The following AP3B1 variants were observed in gnomAD, a reference collection of about 807,000 sequenced individuals.
AP3B1 encodes adaptor related protein complex 3 subunit beta 1.
AP3B1 carries 61 observed loss-of-function variants against 132.5 expected under a neutral mutation model. That is an observed-to-expected ratio of 0.46 (90% CI 0.37 to 0.57). The LOEUF is 0.57. AP3B1 is among the 20% of genes least tolerant of loss of function. The pLI is 0.00. For synonymous variants in AP3B1, 388 were observed against 438.3 expected (o/e 0.89, Z 1.43); for missense variants, 1,120 against 1,289.4 (o/e 0.87, Z 2.01).
intron 22 of AP3B1, among the ~76,000 whole-genome samples, chr5:78,067,229 A>C (rs1484529570): frequency 2.6e-5 from 4 of 152,230 alleles, no homozygotes; most frequent in African/African-American, 9.6e-5. Context: ...ATTAACCTAA[A>C]TATACACGTA....
intron 22 of AP3B1, among the ~76,000 whole-genome samples, chr5:78,045,963 T>A (rs1327643177): frequency 6.6e-6 from 1 of 152,242 alleles, no homozygotes; most frequent in African/African-American, 2.4e-5. Context: ...ATTTACATAC[T>A]GTCCTTGACT....
intron 7 of AP3B1, among the ~76,000 whole-genome samples, chr5:78,206,324 T>C (rs755355732): frequency 5.3e-5 from 8 of 152,288 alleles, no homozygotes; most frequent in South Asian, 2.1e-4. Context: ...GGTGTACTCC[T>C]GAGATAAAAA....
chr5:78,228,923 G>GT (rs144252229), intron 3 of AP3B1, among the ~76,000 whole-genome samples: 3,427 of 152,100 alleles, frequency 0.023, 138 homozygotes, highest in African/African-American at 0.075. Context: ...TCTGGAAACA[G>GT]TTTTTTTTGG....
At chr5:78,105,508 A>C (rs922328641) in intron 20 of AP3B1, among the ~76,000 whole-genome samples, 2 of 152,140 alleles carry the variant, frequency 1.3e-5, no homozygotes, top group African/African-American at 4.8e-5. Flanking sequence ...TTCCTGACAC[A>C]ATGTGGTCTA....
intron 17 of AP3B1, among the ~76,000 whole-genome samples, chr5:78,123,924 A>G (rs1388605282): frequency 6.6e-6 from 1 of 152,240 alleles, no homozygotes; most frequent in East Asian, 1.9e-4. Flanking sequence ...CACTATTCAC[A>G]ATAGCAAAGA....
chr5:78,081,903 A>T (rs751598953), intron 22 of AP3B1, among the ~76,000 whole-genome samples: 12 of 80,430 alleles, frequency 1.5e-4, no homozygotes, highest in Non-Finnish European at 2.4e-4. Context: ...TCTTTGCAAT[A>T]AAAAAAAAAA....
intron 11 of AP3B1, 42 bp downstream of exon 11, chr5:78,175,584 A>G: frequency 6.7e-7 from 1 of 1,503,738 alleles, no homozygotes; most frequent in Non-Finnish European, 9.2e-7. Context: ...TCTCTTCAAA[A>G]CAAATGTGTT....
At chr5:78,087,232 T>A (rs1344538558) in intron 22 of AP3B1, among the ~76,000 whole-genome samples, 2 of 152,204 alleles carry the variant, frequency 1.3e-5, no homozygotes. Context: ...CCTAGACTTG[T>A]TGAGATCTCA....
chr5:78,024,899 A>G (rs1050302140), intron 24 of AP3B1, among the ~76,000 whole-genome samples: 3 of 133,368 alleles, frequency 2.2e-5, no homozygotes, highest in Non-Finnish European at 4.7e-5. Context: ...GAGTCTTACT[A>G]TGTTGCCCAG....
At chr5:78,154,986 AT>A (rs1743088198) in intron 14 of AP3B1, among the ~76,000 whole-genome samples, 1 of 151,826 alleles carries the variant, frequency 6.6e-6, no homozygotes, top group South Asian at 2.1e-4. Flanking sequence ...GTGAGGCCAT[AT>A]TTTCCTGGAT....
chr5:78,232,864 G>A (rs538700546), intron 3 of AP3B1, among the ~76,000 whole-genome samples: 1 of 152,044 alleles, frequency 6.6e-6, no homozygotes, highest in East Asian at 1.9e-4. Context: ...ACACCACCAC[G>A]CCCAGCTAAT....
At position 78,224,824 on chromosome 5, in the gene AP3B1, T is replaced by G. The variant is rs1045798901; in HGVS notation, c.603+718A>C. On this transcript the variant is annotated intron_variant, in intron 6 of 26. Transcript: ENST00000255194. Reference sequence around the variant, plus strand: ...ATTATAAACATACATGCACCAAACATCCAATCTCCTAAATAGATGAAGCAA... The same window carrying G: ...ATTATAAACATACATGCACCAAACAGCCAATCTCCTAAATAGATGAAGCAA... Among the ~76,000 whole-genome samples the G allele has an allele frequency of 3.3e-5, 5 of 152,040 alleles. No homozygotes were observed. The East Asian group carries it at 9.7e-4, about 29-fold the overall frequency.
In AP3B1 at chr5:78,242,360, G is replaced by A. The variant is rs570486602; in HGVS notation, c.205-1424C>T. On this transcript the variant is annotated intron_variant, in intron 2 of 26. Transcript: ENST00000255194. ...ATTTTACTCCTTCTCCCTTGCTACA[G>A]CCATCTCCTAACACCTGGGCCACTG... 9.9e-5 allele frequency among the ~76,000 whole-genome samples: 15 copies of A among 151,958 alleles called. No individual in the cohort carries two copies. In the South Asian group the frequency reaches 2.7e-3, roughly 27 times the overall value.
At chr5:78,207,945 A>G (rs1026876444) in intron 7 of AP3B1, among the ~76,000 whole-genome samples, 8 of 152,174 alleles carry the variant, frequency 5.3e-5, no homozygotes, top group Non-Finnish European at 8.8e-5. Flanking sequence ...CCCAGGTAAA[A>G]TATCAATCAA....
At chr5:78,283,251 T>A (rs1048044691) in intron 1 of AP3B1, among the ~76,000 whole-genome samples, 1 of 152,168 alleles carries the variant, frequency 6.6e-6, no homozygotes, top group African/African-American at 2.4e-5. Flanking sequence ...TGTGCCACAT[T>A]TTGACACCCA....
rs1014850985 is a variant in AP3B1 at position 78,241,275 on chromosome 5, G to A, written c.205-339C>T. 9.3e-5 allele frequency among the ~76,000 whole-genome samples: 14 copies of A among 151,116 alleles called. No individual in the cohort carries two copies. The South Asian group carries it at 1.7e-3, about 18-fold the overall frequency. On this transcript the variant is annotated intron_variant, in intron 2 of 26. Coordinates refer to ENST00000255194, the MANE Select transcript of AP3B1 (RefSeq NM_003664.5). ...GTCCAGTGGCTCAATCATAGCTCAC[G>A]GCAGCTTCGACCTCCCAGGTTTAAG... is the stretch of plus-strand genomic sequence containing the variant.
chr5:78,279,208 A>G (rs1486674312), intron 1 of AP3B1, among the ~76,000 whole-genome samples: 1 of 152,118 alleles, frequency 6.6e-6, no homozygotes. Context: ...GAGTTATGAG[A>G]TATGGGATTG....
chr5:78,188,583 G>A (rs1744698737), intron 7 of AP3B1, among the ~76,000 whole-genome samples: 1 of 152,040 alleles, frequency 6.6e-6, no homozygotes, highest in African/African-American at 2.4e-5. Flanking sequence ...AAAAACAGAC[G>A]CTGGCCAGGC....
At chr5:78,075,506 C>A (rs1749731387) in intron 22 of AP3B1, among the ~76,000 whole-genome samples, 1 of 152,202 alleles carries the variant, frequency 6.6e-6, no homozygotes, top group African/African-American at 2.4e-5. Context: ...ATCCCTAACT[C>A]ACGGAAGAGT....
Sources: gnomAD v4.1 joint callset for allele counts (sites outside exome capture counted in the v4.1 genomes callset) on GRCh38, gnomAD v4.1.1 for gene constraint, MANE v1.5 for transcripts, NCBI Gene and HGNC (gene_info 2026-07-23, HGNC 2026-07-21) for gene names.